The following EFCAB13 variants were observed in gnomAD, a reference collection of about 807,000 sequenced individuals.
EFCAB13 encodes EF-hand calcium binding domain 13.
Under a neutral mutation model 110.2 loss-of-function variants are expected in EFCAB13, and 91 were observed. The ratio of observed to expected loss-of-function variants is 0.83; its 90% CI spans 0.70 to 0.98. The LOEUF (loss-of-function observed/expected upper bound fraction) is 0.98, where lower values mean the gene tolerates loss of function less well. Ranked by LOEUF, EFCAB13 falls within the 50% of genes least tolerant of loss-of-function variation. The pLI is 0.00. For missense variants in EFCAB13, 968 were observed against 1,119.4 expected (o/e 0.86, Z 1.93); for synonymous variants, 323 against 369.9 (o/e 0.87, Z 1.45).
chr17:47,371,915 CTG>C (rs140856368), intron 11 of EFCAB13, among the ~76,000 whole-genome samples: 13,355 of 152,136 alleles, frequency 0.088, 837 homozygotes, highest in East Asian at 0.35. Flanking sequence ...TGCCCGGCCT[CTG>C]TGTCTATTTT....
Position 47,440,468 on chromosome 17 carries a change from A to C in EFCAB13, c.2676A>C (p.Lys892Asn). ...GKVSIQEFMT[K>N]LSDILTIPKA... is the part of the protein sequence containing the mutation. ...TTAGCATTCAAGAATTTATGACTAA[A>C]TTATCCGATATATTGACAATTCCTA... is the stretch of plus-strand genomic sequence containing the variant. The change falls in exon 25 of 25, where the codon AAA becomes AAC. Residue 892 changes from lysine (K) to asparagine (N), a missense_variant. Physicochemically the swap from Lys to Asn is moderately conservative, Grantham distance 94. Coordinates refer to ENST00000331493, the MANE Select transcript of EFCAB13 (RefSeq NM_152347.5). The C allele has an allele frequency of 1.2e-6, 2 of 1,604,272 alleles. No homozygotes were observed. The highest frequency in any genetic ancestry group is 1.7e-6 in the Non-Finnish European group (2 of 1,176,886).
At chr17:47,349,553 C>T (rs929817716) in intron 9 of EFCAB13, among the ~76,000 whole-genome samples, 12 of 152,028 alleles carry the variant, frequency 7.9e-5, no homozygotes, top group Admixed American at 3.3e-4. Flanking sequence ...TATATAATGT[C>T]GACTGCTCTG....
At chr17:47,420,698 A>C (rs796605431) in intron 23 of EFCAB13, among the ~76,000 whole-genome samples, 1,340 of 16,862 alleles carry the variant, frequency 0.079, 10 homozygotes, top group African/African-American at 0.11. Context: ...AAGTGAGGAG[A>C]CCCTCCGCCC....
At chr17:47,357,904 T>A (rs889441035) in intron 9 of EFCAB13, among the ~76,000 whole-genome samples, 4 of 152,090 alleles carry the variant, frequency 2.6e-5, no homozygotes, top group African/African-American at 4.8e-5. Flanking sequence ...ACTTTTTGAA[T>A]CACAACTTAG....
At chr17:47,367,502 G>C (rs10514925) in intron 10 of EFCAB13, among the ~76,000 whole-genome samples, 13,374 of 152,282 alleles carry the variant, frequency 0.088, 849 homozygotes, top group East Asian at 0.35. Flanking sequence ...GACGCCGGCA[G>C]AGAAGGAGCC....
At chr17:47,439,170 T>TG (rs1905266471) in intron 24 of EFCAB13, among the ~76,000 whole-genome samples, 1 of 132,418 alleles carries the variant, frequency 7.6e-6, no homozygotes, top group African/African-American at 2.8e-5. Context: ...CTCTTTGTTT[T>TG]GTTTTTTTTT....
chr17:47,326,101 C>A (rs2065284858), intron 2 of EFCAB13, 125 bp from the exon 3 acceptor site: 2 of 151,544 alleles, frequency 1.3e-5, no homozygotes, highest in Admixed American at 1.3e-4. Flanking sequence ...GGATACGACT[C>A]CCTCCATTTC....
chr17:47,383,933 G>A (rs183319633), intron 14 of EFCAB13, among the ~76,000 whole-genome samples: 4 of 152,264 alleles, frequency 2.6e-5, no homozygotes, highest in Admixed American at 6.5e-5. Context: ...TATTGATAGT[G>A]GGGTGTGAAA....
chr17:47,397,168 C>T (rs1035201848), intron 17 of EFCAB13, among the ~76,000 whole-genome samples: 12 of 152,054 alleles, frequency 7.9e-5, no homozygotes, highest in African/African-American at 2.7e-4. Context: ...CGCGCCGCCA[C>T]GCCTGACTGG....
intron 20 of EFCAB13, 116 bp from the exon 21 acceptor site, chr17:47,409,531 C>G (rs2065822467): frequency 3.8e-6 from 3 of 781,746 alleles, no homozygotes; most frequent in Non-Finnish European, 6.5e-6. Flanking sequence ...GAATGGTTAT[C>G]AATGATAAAT....
chr17:47,347,944 T>C lies in EFCAB13; in HGVS notation c.654T>C (p.Asp218=). The C allele has an allele frequency of 6.8e-7, 1 of 1,471,488 alleles. No individual in the cohort carries two copies. Among genetic ancestry groups the C allele is most frequent in the South Asian group, 1.6e-5 (1 of 63,346 alleles). 91.2% of individuals were successfully genotyped at this position (1,471,488 alleles called of 1,614,324 possible). A position where few individuals can be genotyped will look rare whatever the true frequency, so the allele number is the denominator to read the frequency against. Reference sequence around the variant, plus strand: ...TGCGACAGGCACTAAAGACTGTTGATATTGATGGTAAGTTTTATCTTTTCA... The same window carrying C: ...TGCGACAGGCACTAAAGACTGTTGACATTGATGGTAAGTTTTATCTTTTCA... ...LEMRQALKTV[D]IDAFQDALKI... The change falls in exon 9 of 25, where the codon GAT becomes GAC. Residue 218 remains aspartate, a synonymous_variant. Transcript: ENST00000331493.
chr17:47,380,880 C>CTTTTTTT (rs751480738), intron 14 of EFCAB13, among the ~76,000 whole-genome samples: 74 of 122,884 alleles, frequency 6.0e-4, no homozygotes, highest in Admixed American at 7.8e-4. Flanking sequence ...ATTGCTTCTT[C>CTTTTTTT]TTTTTTTTTT....
At position 47,415,771 on chromosome 17, in the gene EFCAB13, A is replaced by G. The variant is rs556473090; in HGVS notation, c.2494+852A>G. Among the ~76,000 whole-genome samples the G allele has an allele frequency of 4.6e-5, 7 of 152,306 alleles. No individual in the cohort carries two copies. The South Asian group carries it at 1.2e-3, about 27-fold the overall frequency. Reference sequence around the variant, plus strand: ...CTAACTTCAGTTAATCAGTCCTTCTAAATCCTCGCAGTATCAATCCCTGTA... The same window carrying G: ...CTAACTTCAGTTAATCAGTCCTTCTGAATCCTCGCAGTATCAATCCCTGTA... On this transcript the variant is annotated intron_variant, in intron 23 of 24. Transcript: ENST00000331493.
At chr17:47,436,375 A>G (rs1905214130) in intron 24 of EFCAB13, among the ~76,000 whole-genome samples, 1 of 152,156 alleles carries the variant, frequency 6.6e-6, no homozygotes, top group Admixed American at 6.6e-5. Flanking sequence ...AATGTCTAGT[A>G]GAATTCTGCT....
intron 13 of EFCAB13, among the ~76,000 whole-genome samples, chr17:47,378,353 G>A (rs2065628024): frequency 6.6e-6 from 1 of 152,134 alleles, no homozygotes; most frequent in African/African-American, 2.4e-5. Flanking sequence ...GATGTTGAGT[G>A]GCATATCCCA....
chr17:47,375,295 A>AT (rs1254631478), intron 12 of EFCAB13, among the ~76,000 whole-genome samples: 6 of 151,908 alleles, frequency 3.9e-5, no homozygotes, highest in African/African-American at 1.5e-4. Context: ...TAGTATGTCT[A>AT]TTTTTTATTT....
chr17:47,355,472 TTTAAC>T (rs2065474991), intron 9 of EFCAB13, among the ~76,000 whole-genome samples: 1 of 152,228 alleles, frequency 6.6e-6, no homozygotes, highest in Non-Finnish European at 1.5e-5. Flanking sequence ...TCAAATATGT[TTTAAC>T]AAACTTTCAG....
intron 10 of EFCAB13, among the ~76,000 whole-genome samples, chr17:47,364,264 T>C (rs2065533128): frequency 6.6e-6 from 1 of 152,184 alleles, no homozygotes; most frequent in African/African-American, 2.4e-5. Context: ...AGATACATCT[T>C]TTTAAAAACT....
chr17:47,335,464 G>A, intron 5 of EFCAB13, 108 bp downstream of exon 5: 1 of 839,816 alleles, frequency 1.2e-6, no homozygotes, highest in South Asian at 2.3e-5. Context: ...ATGTGTATAG[G>A]ATCATGCATA....
Sources: allele counts gnomAD v4.1 joint callset (sites outside exome capture counted in the v4.1 genomes callset), GRCh38; gene constraint gnomAD v4.1.1; transcripts MANE v1.5; gene names NCBI Gene and HGNC (gene_info 2026-07-23, HGNC 2026-07-21).